Variants in CD8B observed in about 807,000 individuals in gnomAD.
CD8B encodes CD8 subunit beta.
Under a neutral mutation model 24.2 loss-of-function variants are expected in CD8B, and 6 were observed. The ratio of observed to expected loss-of-function variants is 0.25; its 90% confidence interval spans 0.14 to 0.49. CD8B has a LOEUF of 0.49. Among genes scored for constraint, CD8B ranks in the 20% least tolerant of loss-of-function variants. CD8B has a pLI of 0.98. For synonymous variants in CD8B, 84 were observed against 108.3 expected (o/e 0.78, Z 1.39); for missense variants, 196 against 271.3 (o/e 0.72, Z 1.95).
chr2:86,815,381 G>T (rs370648650), downstream of CD8B: 6 of 480,052 alleles, frequency 1.2e-5, no homozygotes, highest in South Asian at 9.1e-5. Flanking sequence ...TAGGATTTTG[G>T]GCAAATTTAT....
At chr2:86,837,614 G>A (rs1675229595), downstream of CD8B, among the ~76,000 whole-genome samples, 1 of 149,158 alleles carries the variant, frequency 6.7e-6, no homozygotes, top group Admixed American at 6.7e-5. Context: ...GCCCACGCGG[G>A]GTCGGGGATC....
chr2:86,858,078 T>G lies in CD8B; in HGVS notation c.382A>C (p.Lys128Gln), dbSNP rs780567812. The G allele has an allele frequency of 6.2e-7, 1 of 1,613,916 alleles. No individual in the cohort carries two copies. The highest frequency in any genetic ancestry group is 1.1e-5 in the South Asian group (1 of 91,074). ...IVGSPELTFG[K>Q]GTQLSVVDFL... is the part of the protein sequence containing the mutation. Reference sequence around the variant, plus strand: ...TTACCCACACTCAGCTGAGTTCCCTTCCCGAAGGTCAGCTCGGGGCTCCCG... The same window carrying G: ...TTACCCACACTCAGCTGAGTTCCCTGCCCGAAGGTCAGCTCGGGGCTCCCG... The change falls in exon 2 of 6, where the codon AAG becomes CAG. Residue 128 changes from lysine to glutamine, a missense_variant. Transcript: ENST00000390655.
intron 2 of CD8B, among the ~76,000 whole-genome samples, chr2:86,854,866 A>G (rs1039369882): frequency 2.6e-5 from 4 of 152,150 alleles, no homozygotes; most frequent in African/African-American, 9.6e-5. Context: ...CACGCCTGTA[A>G]TCCCAGCACT....
intron 5 of CD8B, chr2:86,844,469 A>G (rs1301831926): frequency 1.1e-5 from 2 of 180,512 alleles, no homozygotes; most frequent in Admixed American, 6.5e-5. Context: ...GGGATGAAAT[A>G]ACGGATGGGA....
In CD8B at chr2:86,819,678, C is replaced by T. The variant is rs375890886; in HGVS notation, c.621-3960G>A. Among the ~76,000 whole-genome samples the T allele has an allele frequency of 9.2e-5, 14 of 152,272 alleles. No individual in the cohort carries two copies. In the East Asian group the frequency reaches 1.5e-3, roughly 17 times the overall value. On this transcript the variant is annotated intron_variant, in intron 5 of 5. Transcript: ENST00000331469. Reference sequence around the variant, plus strand: ...ACCCAAGAGATCTGATGGAGATGTACAAGGAGATTAATATTGTTTTTCATG... The same window carrying T: ...ACCCAAGAGATCTGATGGAGATGTATAAGGAGATTAATATTGTTTTTCATG...
At chr2:86,833,654 T>TTCCTTCCTTCCG (rs2104522913), downstream of CD8B, among the ~76,000 whole-genome samples, 1 of 113,186 alleles carries the variant, frequency 8.8e-6, no homozygotes, top group Admixed American at 1.0e-4. Flanking sequence ...CCTTCCTTCC[T>TTCCTTCCTTCCG]TCCTTCCTTT....
downstream of CD8B, among the ~76,000 whole-genome samples, chr2:86,836,405 C>T (rs552000238): frequency 1.3e-5 from 2 of 152,210 alleles, no homozygotes; most frequent in East Asian, 3.9e-4. Flanking sequence ...CTATGTCCAT[C>T]CTGGCCATGC....
At chr2:86,848,882 G>C (rs1434931862) in intron 3 of CD8B, among the ~76,000 whole-genome samples, 51 of 152,246 alleles carry the variant, frequency 3.3e-4, no homozygotes, top group Admixed American at 1.8e-3. Context: ...ACACCTGGCT[G>C]ATTTTTGTGT....
downstream of CD8B, among the ~76,000 whole-genome samples, chr2:86,836,566 G>A (rs1675186529): frequency 1.3e-5 from 2 of 152,146 alleles, no homozygotes; most frequent in African/African-American, 4.8e-5. Context: ...TGGGAGGATC[G>A]CTTGAGCTCA....
chr2:86,861,701 C>G (rs1430031475), intron 1 of CD8B, 122 bp downstream of exon 1: 7 of 717,248 alleles, frequency 9.8e-6, no homozygotes, highest in Non-Finnish European at 1.4e-5. Flanking sequence ...TCCCGGGCGC[C>G]CCGCCACCGC....
At chr2:86,817,400 T>G (rs1674295499) in intron 5 of CD8B, among the ~76,000 whole-genome samples, 2 of 152,032 alleles carry the variant, frequency 1.3e-5, no homozygotes, top group Admixed American at 6.5e-5. Flanking sequence ...AACTAATATC[T>G]AATAGGGGAA....
chr2:86,829,296 A>G (rs575898554), intron 5 of CD8B, among the ~76,000 whole-genome samples: 2 of 151,928 alleles, frequency 1.3e-5, no homozygotes, highest in African/African-American at 4.8e-5. Flanking sequence ...TAGTAGAGAC[A>G]GGGTTTCACC....
chr2:86,844,558 A>C (rs1485523001), intron 5 of CD8B: 2 of 1,243,998 alleles, frequency 1.6e-6, no homozygotes, highest in Non-Finnish European at 2.1e-6. Flanking sequence ...ATGTTCTTGA[A>C]ATACATTTAA....
intron 5 of CD8B, among the ~76,000 whole-genome samples, chr2:86,832,279 G>A (rs62146085): frequency 0.32 from 48,838 of 151,718 alleles, 8,296 homozygotes; most frequent in Non-Finnish European, 0.39. Flanking sequence ...AGGAGTTCAA[G>A]ACCAGCCTGG....
At chr2:86,836,104 G>A (rs1171271388), downstream of CD8B, among the ~76,000 whole-genome samples, 3 of 151,484 alleles carry the variant, frequency 2.0e-5, no homozygotes, top group Non-Finnish European at 2.9e-5. Context: ...CAGCCTTGAG[G>A]AGCACAGAAA....
chr2:86,834,460 C>T (rs1389649352), downstream of CD8B, among the ~76,000 whole-genome samples: 1 of 117,534 alleles, frequency 8.5e-6, no homozygotes, highest in African/African-American at 3.0e-5. Flanking sequence ...AATCAGCTTT[C>T]TTCTCTTACA....
At chr2:86,833,866 G>C (rs1423256492), downstream of CD8B, among the ~76,000 whole-genome samples, 1 of 151,820 alleles carries the variant, frequency 6.6e-6, no homozygotes, top group Non-Finnish European at 1.5e-5. Context: ...GACCAGGCTG[G>C]TCTCAAACTC....
At chr2:86,859,450 C>T (rs1021351609) in intron 1 of CD8B, among the ~76,000 whole-genome samples, 11 of 152,164 alleles carry the variant, frequency 7.2e-5, no homozygotes, top group African/African-American at 2.7e-4. Context: ...TTCTTATGAA[C>T]GGAGGACAGC....
chr2:86,818,560 T>C (rs1674347575), intron 5 of CD8B, among the ~76,000 whole-genome samples: 1 of 152,204 alleles, frequency 6.6e-6, no homozygotes, highest in Admixed American at 6.5e-5. Flanking sequence ...GTTACTATTT[T>C]AATTGTTTTA....
Sources: gnomAD v4.1 joint callset for allele counts (sites outside exome capture counted in the v4.1 genomes callset) on GRCh38, gnomAD v4.1.1 for gene constraint, MANE v1.5 for transcripts, NCBI Gene and HGNC (gene_info 2026-07-23, HGNC 2026-07-21) for gene names.